The following PDE1A variants were observed in gnomAD, a reference collection of about 807,000 sequenced individuals.
PDE1A encodes the protein dual specificity calcium/calmodulin-dependent 3',5'-cyclic nucleotide phosphodiesterase 1A.
A neutral mutation model predicts 61.7 loss-of-function variants in PDE1A; 35 were observed. The observed-to-expected ratio is 0.57, with a 90% CI of 0.43 to 0.75. The LOEUF is 0.75. PDE1A is among the 30% of genes least tolerant of loss of function. The pLI, the probability that PDE1A is intolerant of heterozygous loss-of-function variation, is 0.00. For synonymous variants in PDE1A, 232 were observed against 213.2 expected, an observed-to-expected ratio of 1.09 and a Z score of -0.77; for missense variants, 597 against 630.6, an observed-to-expected ratio of 0.95 and a Z score of 0.57.
At chr2:182,276,146 CTGTTTCTT>C (rs976496707) in intron 1 of PDE1A, among the ~76,000 whole-genome samples, 18 of 152,028 alleles carry the variant, frequency 1.2e-4, no homozygotes, top group African/African-American at 4.3e-4. Flanking sequence ...TCTCTTTTCT[CTGTTTCTT>C]TGTTTCTGGT....
At chr2:182,231,346 C>A (rs1689564919) in intron 4 of PDE1A, among the ~76,000 whole-genome samples, 1 of 152,094 alleles carries the variant, frequency 6.6e-6, no homozygotes, top group South Asian at 2.1e-4. Context: ...AAAACCTTTT[C>A]TTTAATCCCA....
chr2:182,579,631 T>C, the PDE1A span, among the ~76,000 whole-genome samples: 5 of 152,270 alleles, frequency 3.3e-5, no homozygotes, highest in South Asian at 1.0e-3. Flanking sequence ...ACTGTCATTG[T>C]TGGCATAAGT....
intron 8 of PDE1A, among the ~76,000 whole-genome samples, chr2:182,203,255 G>A (rs1426438002): frequency 6.6e-6 from 1 of 152,178 alleles, no homozygotes; most frequent in African/African-American, 2.4e-5. Flanking sequence ...AGGAGACAGA[G>A]CTTGCAGTGA....
At chr2:182,485,494 C>G (rs564622344) in intron 2 of PDE1A, among the ~76,000 whole-genome samples, 3 of 151,868 alleles carry the variant, frequency 2.0e-5, no homozygotes, top group South Asian at 2.1e-4. Flanking sequence ...AACTTTCACA[C>G]GTACCCCCAA....
chr2:182,568,536 G>T, the PDE1A span, among the ~76,000 whole-genome samples: 5 of 152,058 alleles, frequency 3.3e-5, no homozygotes, highest in Non-Finnish European at 7.4e-5. Context: ...CGCAGTGGCG[G>T]GCGCCTGTAG....
intron 13 of PDE1A, among the ~76,000 whole-genome samples, chr2:182,156,524 T>C (rs1691090549): frequency 6.6e-6 from 1 of 151,980 alleles, no homozygotes; most frequent in South Asian, 2.1e-4. Context: ...TTCCTAGTCA[T>C]CTGGAAAAGC....
chr2:182,169,394 C>T (rs1193365348), intron 13 of PDE1A, among the ~76,000 whole-genome samples: 1 of 151,858 alleles, frequency 6.6e-6, no homozygotes, highest in Non-Finnish European at 1.5e-5. Context: ...TATATCAACA[C>T]AATAAATGTC....
chr2:182,662,652 C>A, the PDE1A span, among the ~76,000 whole-genome samples: 1 of 152,170 alleles, frequency 6.6e-6, no homozygotes, highest in Non-Finnish European at 1.5e-5. Context: ...GAGATTGAAA[C>A]TGGACCCTTC....
At chr2:182,194,915 ACACG>A (rs371033284) in intron 10 of PDE1A, among the ~76,000 whole-genome samples, 1 of 144,910 alleles carries the variant, frequency 6.9e-6, no homozygotes, top group Non-Finnish European at 1.5e-5. Flanking sequence ...ACACACACAC[ACACG>A]AACCTTTCTT....
At chr2:182,429,684 T>C (rs1380219890), upstream of PDE1A, among the ~76,000 whole-genome samples, 1 of 152,088 alleles carries the variant, frequency 6.6e-6, no homozygotes, top group African/African-American at 2.4e-5. Flanking sequence ...ACAAAACACA[T>C]AGATCAACCC....
chr2:182,178,589 G>A (rs1684485139), intron 13 of PDE1A, among the ~76,000 whole-genome samples: 1 of 152,064 alleles, frequency 6.6e-6, no homozygotes, highest in Non-Finnish European at 1.5e-5. Flanking sequence ...GGGATCCAGG[G>A]GTTAGAGAAG....
chr2:182,695,059 A>C, the PDE1A span, among the ~76,000 whole-genome samples: 7 of 152,114 alleles, frequency 4.6e-5, no homozygotes, highest in Admixed American at 6.6e-5. Flanking sequence ...GAATTTAGAA[A>C]CTATAATTAA....
At chr2:182,151,792 AC>A (rs1177396012) in intron 13 of PDE1A, among the ~76,000 whole-genome samples, 2 of 152,234 alleles carry the variant, frequency 1.3e-5, no homozygotes, top group East Asian at 3.8e-4. Context: ...GATATAAAAA[AC>A]AAAATGATTT....
chr2:182,265,756 C>G (rs1692588445), intron 1 of PDE1A, among the ~76,000 whole-genome samples: 1 of 152,074 alleles, frequency 6.6e-6, no homozygotes, highest in East Asian at 1.9e-4. Context: ...CTGCTCTTTA[C>G]CAAGTACAAA....
At chr2:182,492,415 T>C (rs989986857) in intron 2 of PDE1A, among the ~76,000 whole-genome samples, 1 of 152,086 alleles carries the variant, frequency 6.6e-6, no homozygotes, top group African/African-American at 2.4e-5. Context: ...AACAGGTGAG[T>C]GAGTTTGTGA....
chr2:182,361,590 T>C lies in PDE1A; in HGVS notation c.53+64988A>G, dbSNP rs1699514956. Among the ~76,000 whole-genome samples the C allele has an allele frequency of 3.3e-5, 5 of 152,158 alleles. No individual in the cohort carries two copies. In the South Asian group the frequency reaches 1.0e-3, roughly 31 times the overall value. On this transcript the variant is annotated intron_variant, in intron 1 of 13. Transcript: ENST00000351439. The stretch of plus-strand genomic sequence containing the variant: ...TTTCTACACACACAGTTCAGCCTCA[T>C]ATCTCTGTGTATATTTTTTTAGTCA...
At chr2:182,521,961 G>A (rs187847985) in intron 2 of PDE1A, among the ~76,000 whole-genome samples, 7 of 152,022 alleles carry the variant, frequency 4.6e-5, no homozygotes, top group Non-Finnish European at 7.4e-5. Flanking sequence ...GCAGTATCCC[G>A]GCAAATGGCT....
chr2:182,511,592 T>A (rs1449959062), intron 2 of PDE1A, among the ~76,000 whole-genome samples: 1 of 152,142 alleles, frequency 6.6e-6, no homozygotes, highest in East Asian at 1.9e-4. Context: ...ACAGCTATAG[T>A]GGAGCACAGC....
chr2:182,668,164 G>A, the PDE1A span, among the ~76,000 whole-genome samples: 1 of 152,162 alleles, frequency 6.6e-6, no homozygotes, highest in Non-Finnish European at 1.5e-5. Context: ...GAGTATTTAA[G>A]AGTAGCCTGA....
Sources: gnomAD v4.1 joint callset for allele counts (sites outside exome capture counted in the v4.1 genomes callset) on GRCh38, gnomAD v4.1.1 for gene constraint, MANE v1.5 for transcripts, NCBI Gene and HGNC (gene_info 2026-07-23, HGNC 2026-07-21) for gene names.